ARRB1: variants seen among roughly 807,000 people sequenced by gnomAD.
ARRB1 encodes beta-arrestin-1.
ARRB1 carries 21 observed loss-of-function variants against 56.8 expected under a neutral mutation model. That is an observed-to-expected ratio of 0.37 (90% CI 0.26 to 0.53). ARRB1 has a LOEUF of 0.53. ARRB1 is among the 20% of genes least tolerant of loss of function. The probability of loss-of-function intolerance (pLI) is 0.88; values close to 1 mark genes in which losing one functional copy is unlikely to be tolerated. For synonymous variants in ARRB1, 210 were observed against 218.6 expected (o/e 0.96, Z 0.35); for missense variants, 424 against 553.7 (o/e 0.77, Z 2.35).
At chr11:75,268,543 G>GAA in intron 14 of ARRB1, among the ~76,000 whole-genome samples, 1 of 125,662 alleles carries the variant, frequency 8.0e-6, no homozygotes, top group African/African-American at 2.9e-5. Flanking sequence ...AAAAGAAGAA[G>GAA]AAAAACATGA....
At chr11:75,299,825 A>T (rs1946853610) in intron 1 of ARRB1, among the ~76,000 whole-genome samples, 1 of 152,242 alleles carries the variant, frequency 6.6e-6, no homozygotes, top group Non-Finnish European at 1.5e-5. Flanking sequence ...AGGATATAGT[A>T]GGTGCTCAAT....
chr11:75,331,532 G>C (rs1263865716), intron 1 of ARRB1, among the ~76,000 whole-genome samples: 2 of 152,044 alleles, frequency 1.3e-5, no homozygotes, highest in Non-Finnish European at 2.9e-5. Flanking sequence ...CCTTTATCTT[G>C]TGAAATTCCT....
chr11:75,319,571 C>T (rs1425511286), intron 1 of ARRB1, among the ~76,000 whole-genome samples: 1 of 152,204 alleles, frequency 6.6e-6, no homozygotes, highest in Non-Finnish European at 1.5e-5. Context: ...TCCGTCCTCA[C>T]TGCTCCATCA....
rs562625467 is a variant in ARRB1 at position 75,289,009 on chromosome 11, C to T, written c.51+1000G>A. ...CCAAGTGCCAAGTCTGATCTACCGGCGGGGAGAGGGGACGGGGAGCTGTCT... is the reference window on the plus strand; with the variant it reads ...CCAAGTGCCAAGTCTGATCTACCGGTGGGGAGAGGGGACGGGGAGCTGTCT... On this transcript the variant is annotated intron_variant, in intron 2 of 15. Transcript: ENST00000420843. Among the ~76,000 whole-genome samples the T allele has an allele frequency of 8.5e-5, 13 of 152,226 alleles. No homozygotes were observed. In the East Asian group the frequency reaches 2.1e-3, roughly 25 times the overall value.
intron 2 of ARRB1, among the ~76,000 whole-genome samples, chr11:75,288,361 C>G (rs1946529957): frequency 6.6e-6 from 1 of 152,196 alleles, no homozygotes; most frequent in African/African-American, 2.4e-5. Flanking sequence ...CACTCCATAG[C>G]CAGCCGGGAG....
At chr11:75,348,050 C>T (rs138713540) in intron 1 of ARRB1, among the ~76,000 whole-genome samples, 144 of 152,326 alleles carry the variant, frequency 9.5e-4, no homozygotes, top group African/African-American at 3.4e-3. Context: ...GCTTCCAGCC[C>T]TCTGCTGCCT....
chr11:75,339,402 G>T (rs1947662069), intron 1 of ARRB1, among the ~76,000 whole-genome samples: 1 of 152,052 alleles, frequency 6.6e-6, no homozygotes, highest in Non-Finnish European at 1.5e-5. Flanking sequence ...TAGTTTTTTT[G>T]TCCTCAAGCA....
chr11:75,282,028 A>C lies in ARRB1; in HGVS notation c.355-7T>G, dbSNP rs763736591. Reference sequence around the variant, plus strand: ...ATGGAAGGTTTGGAGGGATCTGTCAAGAAGAGGACAGAACGAGCCACCTGT... The same window carrying C: ...ATGGAAGGTTTGGAGGGATCTGTCACGAAGAGGACAGAACGAGCCACCTGT... On this transcript the variant is annotated splice_polypyrimidine_tract_variant and splice_region_variant and intron_variant, in intron 5 of 15. Coordinates refer to ENST00000420843, the MANE Select transcript of ARRB1 (RefSeq NM_004041.5). 3 of 1,613,920 alleles carry C rather than the reference A, an allele frequency of 1.9e-6. No homozygotes were observed. Among genetic ancestry groups the C allele is most frequent in the Non-Finnish European group, 2.5e-6 (3 of 1,179,942 alleles).
intron 1 of ARRB1, among the ~76,000 whole-genome samples, chr11:75,294,327 T>C (rs1049821484): frequency 2.0e-5 from 3 of 151,678 alleles, no homozygotes; most frequent in Non-Finnish European, 4.4e-5. Flanking sequence ...CCAGCCGAGG[T>C]GGGAGGATCA....
chr11:75,265,623 CAGA>C lies in ARRB1; in HGVS notation c.*537_*539del, dbSNP rs1945890277. 6.4e-6 allele frequency: 1 copy of C among 156,136 alleles called. No individual in the cohort carries two copies. Among genetic ancestry groups the C allele is most frequent in the Non-Finnish European group, 1.4e-5 (1 of 70,148 alleles). The allele number at this position is 156,136 out of a possible 1,614,324, so 9.7% of individuals were successfully genotyped here. A position where few individuals can be genotyped will look rare whatever the true frequency, so the allele number is the denominator to read the frequency against. On this transcript the variant is annotated 3_prime_UTR_variant, in exon 16 of 16. Coordinates refer to ENST00000420843, the MANE Select transcript of ARRB1 (RefSeq NM_004041.5). ...CATCAGGTGGGGAGGAGGGTGAAGG[CAGA>C]AGGTCTTTGGTGGGTCAGAACTTCA...
chr11:75,351,590 G>A lies in ARRB1; in HGVS notation c.18C>T (p.Thr6=). 2.0e-6 allele frequency: 3 copies of A among 1,473,670 alleles called. No homozygotes were observed. In the South Asian group the frequency reaches 3.9e-5, roughly 19 times the overall value. 91.3% of individuals were successfully genotyped at this position (1,473,670 alleles called of 1,614,324 possible). A position where few individuals can be genotyped will look rare whatever the true frequency, so the allele number is the denominator to read the frequency against. Residue 6 remains threonine (T), a splice_region_variant and synonymous_variant, in exon 1 of 16, where the codon ACC becomes ACT. Transcript: ENST00000420843. MGDKG[T]RVFKKASPNG... Reference sequence around the variant, plus strand: ...CCGGGCGGCCGCCCTGCACTCACCGGGTCCCTTTGTCGCCCATGGTCCGCG... The same window carrying A: ...CCGGGCGGCCGCCCTGCACTCACCGAGTCCCTTTGTCGCCCATGGTCCGCG...
chr11:75,348,186 C>A (rs1317158709), intron 1 of ARRB1, among the ~76,000 whole-genome samples: 1 of 152,214 alleles, frequency 6.6e-6, no homozygotes, highest in East Asian at 1.9e-4. Context: ...CCAGCCCAGG[C>A]CCCAGGCTGC....
chr11:75,309,174 C>T (rs1187851439), intron 1 of ARRB1, among the ~76,000 whole-genome samples: 1 of 152,200 alleles, frequency 6.6e-6, no homozygotes, highest in Non-Finnish European at 1.5e-5. Flanking sequence ...CAAATGGGCG[C>T]AGCCAGCATC....
chr11:75,287,777 G>A (rs915270172), intron 2 of ARRB1, among the ~76,000 whole-genome samples: 2 of 152,238 alleles, frequency 1.3e-5, no homozygotes, highest in Non-Finnish European at 1.5e-5. Context: ...GGCTCTGAAC[G>A]CGGGCCGCGC....
chr11:75,264,674 C>A lies in ARRB1; in HGVS notation c.*1489G>T, dbSNP rs1290592357. 6.6e-6 allele frequency: 1 copy of A among 152,172 alleles called. No homozygotes were observed. Among genetic ancestry groups the A allele is most frequent in the Non-Finnish European group, 1.5e-5 (1 of 68,040 alleles). The allele number at this position is 152,172 out of a possible 1,614,324, so 9.4% of individuals were successfully genotyped here. Reference sequence around the variant, plus strand: ...AGACCAGTCAGCAGCTCTGGCTCTACCCACCAGACCAGGAGCTCTAATGTT... The same window carrying A: ...AGACCAGTCAGCAGCTCTGGCTCTAACCACCAGACCAGGAGCTCTAATGTT... On this transcript the variant is annotated 3_prime_UTR_variant, in exon 16 of 16. Coordinates refer to ENST00000420843, the MANE Select transcript of ARRB1 (RefSeq NM_004041.5).
At chr11:75,288,493 T>G (rs1946533064) in intron 2 of ARRB1, among the ~76,000 whole-genome samples, 1 of 152,020 alleles carries the variant, frequency 6.6e-6, no homozygotes, top group Admixed American at 6.6e-5. Context: ...ATTTCTCAAG[T>G]CCGTACCTCT....
intron 13 of ARRB1, chr11:75,269,335 C>T (rs1946020845): frequency 2.5e-6 from 1 of 400,204 alleles, no homozygotes; most frequent in Non-Finnish European, 4.8e-6. Context: ...CCACCCTCGC[C>T]TCCCCTGACA....
At chr11:75,274,574 G>A in intron 10 of ARRB1, 1 of 177,104 alleles carries the variant, frequency 5.6e-6, no homozygotes, top group Non-Finnish European at 1.2e-5. Flanking sequence ...GGTAGATCAC[G>A]AGGTCAGGAG....
chr11:75,270,175 G>C (rs367671507), intron 13 of ARRB1, among the ~76,000 whole-genome samples: 5 of 152,386 alleles, frequency 3.3e-5, no homozygotes, highest in African/African-American at 9.6e-5. Context: ...GGCAGCTAAA[G>C]AGCTGAGTTA....
Sources: allele counts gnomAD v4.1 joint callset (sites outside exome capture counted in the v4.1 genomes callset), GRCh38; gene constraint gnomAD v4.1.1; transcripts MANE v1.5; gene names NCBI Gene and HGNC (gene_info 2026-07-23, HGNC 2026-07-21).